The following ZNF536 variants were observed in gnomAD, a reference collection of about 807,000 sequenced individuals.
ZNF536 encodes zinc finger protein 536.
Under a neutral mutation model 84.5 loss-of-function variants are expected in ZNF536, and 13 were observed. That is an observed-to-expected ratio of 0.15 (90% CI 0.10 to 0.24). The LOEUF (loss-of-function observed/expected upper bound fraction) is 0.24. Ranked by LOEUF, ZNF536 falls within the 10% of genes least tolerant of loss-of-function variation. The pLI, the probability that ZNF536 is intolerant of heterozygous loss-of-function variation, is 1.00. For missense variants in ZNF536, 1,536 were observed against 1,747.5 expected (o/e 0.88, Z 2.16); for synonymous variants, 811 against 742.5 (o/e 1.09, Z -1.50).
intron 2 of ZNF536, among the ~76,000 whole-genome samples, chr19:30,476,044 C>T (rs2053831467): frequency 6.6e-6 from 1 of 152,218 alleles, no homozygotes; most frequent in African/African-American, 2.4e-5. Flanking sequence ...GGTCATTACA[C>T]ATGACTACCA....
intron 2 of ZNF536, among the ~76,000 whole-genome samples, chr19:30,314,278 G>T (rs1170546038): frequency 6.6e-6 from 1 of 152,172 alleles, no homozygotes; most frequent in African/African-American, 2.4e-5. Context: ...CTCGAGCGGG[G>T]CGGTGCGGGC....
chr19:30,605,715 C>T (rs1182489817), intron 1 of ZNF536, among the ~76,000 whole-genome samples: 1 of 152,118 alleles, frequency 6.6e-6, no homozygotes, highest in Non-Finnish European at 1.5e-5. Context: ...GAGTGGGATT[C>T]CTGGATCGAA....
chr19:30,522,931 C>A (rs568147834), intron 2 of ZNF536, among the ~76,000 whole-genome samples: 7 of 152,176 alleles, frequency 4.6e-5, no homozygotes, highest in Non-Finnish European at 1.0e-4. Context: ...CAGATTCTAA[C>A]GACCTGCCGC....
At chr19:30,487,714 G>C (rs537152174) in intron 2 of ZNF536, among the ~76,000 whole-genome samples, 36 of 152,332 alleles carry the variant, frequency 2.4e-4, no homozygotes, top group African/African-American at 7.9e-4. Flanking sequence ...GAGGACCAAA[G>C]AGATAGTAGT....
intron 1 of ZNF536, among the ~76,000 whole-genome samples, chr19:30,398,143 T>C (rs1379022773): frequency 6.6e-6 from 1 of 152,326 alleles, no homozygotes; most frequent in East Asian, 1.9e-4. Flanking sequence ...CACTACAATG[T>C]ACCTGGCCAC....
chr19:30,697,747 T>C (rs919010836), intron 1 of ZNF536, among the ~76,000 whole-genome samples: 3 of 152,188 alleles, frequency 2.0e-5, no homozygotes, highest in African/African-American at 7.2e-5. Flanking sequence ...TGGCGATTTC[T>C]CAAAATCTGC....
At chr19:30,687,687 C>A (rs188309356) in intron 1 of ZNF536, among the ~76,000 whole-genome samples, 1 of 152,268 alleles carries the variant, frequency 6.6e-6, no homozygotes, top group East Asian at 1.9e-4. Context: ...ATAAACAAAT[C>A]AAATTTTCAG....
At chr19:30,701,304 AACAC>A (rs1220989420) in intron 1 of ZNF536, among the ~76,000 whole-genome samples, 3 of 148,256 alleles carry the variant, frequency 2.0e-5, no homozygotes, top group East Asian at 2.0e-4. Flanking sequence ...CACATACACA[AACAC>A]ACACAGACAC....
At position 30,658,020 on chromosome 19, in the gene ZNF536, C is replaced by G. The variant is rs986887451; in HGVS notation, c.170-52737C>G. ...AATACCCTTCAATGGCTTTCCATTC[C>G]CCCCCCCCTTTTTTTTCCTTCAGAT... On this transcript the variant is annotated intron_variant, in intron 1 of 1. Transcript: ENST00000592773. Among the ~76,000 whole-genome samples, 23 of 7,924 alleles carry G rather than the reference C, an allele frequency of 2.9e-3. No homozygotes were observed. The African/African-American group carries it at 0.06, about 21-fold the overall frequency. 5.2% of individuals were successfully genotyped at this position (7,924 alleles called of 152,430 possible).
chr19:30,236,243 G>T (rs1198709841), intron 1 of ZNF536, among the ~76,000 whole-genome samples: 3 of 152,224 alleles, frequency 2.0e-5, no homozygotes, highest in Non-Finnish European at 4.4e-5. Flanking sequence ...CCGCCGCCGG[G>T]TACTGAGGAC....
chr19:30,416,549 T>C (rs750415681), intron 1 of ZNF536, among the ~76,000 whole-genome samples: 9 of 152,050 alleles, frequency 5.9e-5, no homozygotes, highest in Non-Finnish European at 1.2e-4. Flanking sequence ...GGATGTGCAG[T>C]GTGGGGTGTG....
chr19:30,631,643 G>A (rs2048893271), intron 1 of ZNF536, among the ~76,000 whole-genome samples: 1 of 152,156 alleles, frequency 6.6e-6, no homozygotes, highest in South Asian at 2.1e-4. Context: ...CTGGACTGCT[G>A]GCCTAGAGTG....
chr19:30,703,742 G>A (rs554603654), intron 1 of ZNF536, among the ~76,000 whole-genome samples: 8 of 152,288 alleles, frequency 5.3e-5, no homozygotes, highest in Admixed American at 1.3e-4. Context: ...AGCAGCAGCC[G>A]TGCCAATCAC....
At chr19:30,333,774 A>G (rs2047292514) in intron 2 of ZNF536, among the ~76,000 whole-genome samples, 1 of 152,092 alleles carries the variant, frequency 6.6e-6, no homozygotes, top group African/African-American at 2.4e-5. Flanking sequence ...AAACCACCCC[A>G]CAAATTAGTG....
chr19:30,489,746 T>C (rs1745506931), intron 2 of ZNF536, among the ~76,000 whole-genome samples: 1 of 152,250 alleles, frequency 6.6e-6, no homozygotes, highest in Admixed American at 6.5e-5. Flanking sequence ...ATAAAAGTGA[T>C]ACTGACAGTC....
intron 2 of ZNF536, among the ~76,000 whole-genome samples, chr19:30,447,901 C>A (rs1337491518): frequency 6.6e-6 from 1 of 152,124 alleles, no homozygotes; most frequent in South Asian, 2.1e-4. Flanking sequence ...ATTCTGACAC[C>A]AAATGTTCAG....
chr19:30,626,763 G>C lies in ZNF536; in HGVS notation c.169+77249G>C, dbSNP rs891833063. Among the ~76,000 whole-genome samples the C allele has an allele frequency of 2.6e-5, 4 of 152,202 alleles. No homozygotes were observed. In the South Asian group the frequency reaches 8.3e-4, roughly 31 times the overall value. ...TTAATTACTCGTGCAGAAGGGAAGG[G>C]GATGCTGGGCGGATGTGCGGTGATG... On this transcript the variant is annotated intron_variant, in intron 1 of 1. Transcript: ENST00000592773.
intron 2 of ZNF536, among the ~76,000 whole-genome samples, chr19:30,318,369 C>T (rs2046748756): frequency 6.6e-6 from 1 of 152,270 alleles, no homozygotes; most frequent in South Asian, 2.1e-4. Flanking sequence ...CCGGGCAAAC[C>T]ACACGTAGGT....
chr19:30,320,117 T>G (rs920144470), intron 2 of ZNF536, among the ~76,000 whole-genome samples: 1 of 152,216 alleles, frequency 6.6e-6, no homozygotes, highest in African/African-American at 2.4e-5. Context: ...TCTAAACATT[T>G]TACCAACCTT....
Sources: gnomAD v4.1 joint callset for allele counts (sites outside exome capture counted in the v4.1 genomes callset) on GRCh38, gnomAD v4.1.1 for gene constraint, MANE v1.5 for transcripts, NCBI Gene and HGNC (gene_info 2026-07-23, HGNC 2026-07-21) for gene names.